The following NSMAF variants were observed in gnomAD, a reference collection of about 807,000 sequenced individuals.
The protein encoded by NSMAF is neutral sphingomyelinase activation associated factor.
In NSMAF, 90 loss-of-function variants were observed where a neutral mutation model predicts 134.9. The observed-to-expected ratio is 0.67, with a 90% CI of 0.56 to 0.79. NSMAF has a LOEUF of 0.79. Among genes scored for constraint, NSMAF ranks in the 30% least tolerant of loss-of-function variants. The pLI is 0.00. For synonymous variants in NSMAF, 358 were observed against 389.6 expected, an observed-to-expected ratio of 0.92 and a Z score of 0.96; for missense variants, 1,010 against 1,119.0, an observed-to-expected ratio of 0.90 and a Z score of 1.39.
chr8:58,605,651 A>T (rs2129141784), intron 12 of NSMAF, among the ~76,000 whole-genome samples: 1 of 152,164 alleles, frequency 6.6e-6, no homozygotes, highest in African/African-American at 2.4e-5. Context: ...TTCTTCTCTT[A>T]TTTCCTATCC....
At chr8:58,658,003 T>G (rs1807759551) in intron 1 of NSMAF, among the ~76,000 whole-genome samples, 2 of 152,208 alleles carry the variant, frequency 1.3e-5, no homozygotes, top group African/African-American at 2.4e-5. Flanking sequence ...CACAAATTAC[T>G]TCATCGAAAT....
Position 58,659,726 on chromosome 8 carries a change from G to A in NSMAF, c.-95C>T. 3.9e-6 allele frequency: 4 copies of A among 1,028,728 alleles called. No individual in the cohort carries two copies. Among genetic ancestry groups the A allele is most frequent in the Non-Finnish European group, 3.8e-6 (3 of 794,340 alleles). The allele number at this position is 1,028,728 out of a possible 1,614,324, so 63.7% of individuals were successfully genotyped here. ...GGAGCCGGGGAGGGCGGGATTGGTG[G>A]CCGGCTGGGGAGCGCGCGGCTGCCG... On this transcript the variant is annotated 5_prime_UTR_variant, in exon 1 of 31. Coordinates refer to ENST00000038176, the MANE Select transcript of NSMAF (RefSeq NM_003580.4).
intron 30 of NSMAF, among the ~76,000 whole-genome samples, chr8:58,584,564 T>TTGGTTTA (rs1219672174): frequency 6.6e-6 from 1 of 152,236 alleles, no homozygotes; most frequent in African/African-American, 2.4e-5. Flanking sequence ...TGTAAGGTTA[T>TTGGTTTA]TGGTTTATTT....
At chr8:58,629,352 C>A (rs753760622) in intron 6 of NSMAF, among the ~76,000 whole-genome samples, 4 of 152,142 alleles carry the variant, frequency 2.6e-5, no homozygotes, top group Non-Finnish European at 4.4e-5. Flanking sequence ...TAAGTTACTA[C>A]ATTCTTCTCC....
chr8:58,633,075 C>T (rs777416994), intron 5 of NSMAF, among the ~76,000 whole-genome samples: 2 of 152,212 alleles, frequency 1.3e-5, no homozygotes, highest in Non-Finnish European at 2.9e-5. Context: ...GTGTTCTCTA[C>T]CCAGCCCCCA....
At chr8:58,595,817 G>C (rs371062183) in intron 21 of NSMAF, 158 bp from the exon 22 acceptor site, 2 of 555,306 alleles carry the variant, frequency 3.6e-6, no homozygotes, top group South Asian at 4.6e-5. Context: ...ATGGTTCCAC[G>C]TTAGTCAAGG....
At position 58,623,709 on chromosome 8, in the gene NSMAF, C is replaced by G; in HGVS notation, c.456G>C (p.Gln152His). 1.2e-6 allele frequency: 2 copies of G among 1,613,444 alleles called. No individual in the cohort carries two copies. Among genetic ancestry groups the G allele is most frequent in the Non-Finnish European group, 1.7e-6 (2 of 1,179,502 alleles). ...KVEDVVETLLQLHRASCLDKL... is the reference protein window; with the variant it reads ...KVEDVVETLLHLHRASCLDKL... ...AATTTTCTACCCAGCAAGTGCTTAC[C>G]TGAAGCAACGTCTCCACAACATCTT... The change falls in exon 7 of 31, where the codon CAG becomes CAC. Residue 152 changes from glutamine (Q) to histidine (H), a missense_variant and splice_region_variant. Coordinates refer to ENST00000038176, the MANE Select transcript of NSMAF (RefSeq NM_003580.4).
rs373886708 is a variant in NSMAF, at chr8:58,635,258, C to T, written c.297-33G>A. ...ACAGATAAAAGTCATTAAATATATA[C>T]AGCTTTTTGGTTGAAGTAAAATTAA... On this transcript the variant is annotated intron_variant, in intron 4 of 30. Transcript: ENST00000038176. The T allele has an allele frequency of 1.6e-5, 25 of 1,608,174 alleles. No individual in the cohort carries two copies. In the African/African-American group the frequency reaches 2.7e-4, roughly 17 times the overall value.
At chr8:58,627,899 T>C (rs1417665154) in intron 6 of NSMAF, among the ~76,000 whole-genome samples, 2 of 152,128 alleles carry the variant, frequency 1.3e-5, no homozygotes, top group African/African-American at 2.4e-5. Flanking sequence ...AAAATCCATA[T>C]GGCACCAAAA....
chr8:58,627,544 T>C (rs1397434354), intron 6 of NSMAF, among the ~76,000 whole-genome samples: 1 of 152,160 alleles, frequency 6.6e-6, no homozygotes, highest in African/African-American at 2.4e-5. Flanking sequence ...CACAAATCAG[T>C]AGCACTGCTA....
chr8:58,589,443 T>TA lies in NSMAF; in HGVS notation c.2211+8dup, dbSNP rs1298901587. 1 of 1,450,806 alleles carries TA rather than the reference T, an allele frequency of 6.9e-7. No individual in the cohort carries two copies. The highest frequency in any genetic ancestry group is 9.1e-7 in the Non-Finnish European group (1 of 1,103,468). 89.9% of individuals were successfully genotyped at this position (1,450,806 alleles called of 1,614,324 possible). ...CAAGTTAAAAAAACTTTTTAAATTA[T>TA]ATATGAACCTTCACTGTAGAGTCCC... is the stretch of plus-strand genomic sequence containing the variant. On this transcript the variant is annotated intron_variant, in intron 26 of 30. Transcript: ENST00000038176.
At chr8:58,655,164 G>C (rs186087964) in intron 1 of NSMAF, among the ~76,000 whole-genome samples, 29 of 152,098 alleles carry the variant, frequency 1.9e-4, no homozygotes, top group Admixed American at 1.7e-3. Context: ...TAGAGAAAAG[G>C]TCTCCCTATG....
rs117413256 is a variant in NSMAF at position 58,595,652 on chromosome 8, C to T, written c.1800G>A (p.Glu600=). Reference sequence around the variant, plus strand: ...TTTCTTCGGTCAGGTCTTCAAAAGACTCTTCACCTGGAGAGACGACATTAA... The same window carrying T: ...TTTCTTCGGTCAGGTCTTCAAAAGATTCTTCACCTGGAGAGACGACATTAA... ...NASMADSPGE[E]SFEDLTEESK... is the part of the protein sequence containing the mutation. Residue 600 remains glutamate (E), a synonymous_variant, in exon 22 of 31, where the codon GAG becomes GAA. Transcript: ENST00000038176. 4,930 of 1,611,564 alleles carry T rather than the reference C, an allele frequency of 3.1e-3. 13 individuals are homozygous for T. The highest frequency in any genetic ancestry group is 3.7e-3 in the Non-Finnish European group (4,341 of 1,178,164).
intron 27 of NSMAF, 32 bp from the exon 28 acceptor site, chr8:58,586,640 A>G (rs758147904): frequency 3.2e-6 from 5 of 1,555,064 alleles, no homozygotes; most frequent in South Asian, 1.2e-5. Context: ...TACATATTCC[A>G]TTAGATTTAT....
intron 9 of NSMAF, among the ~76,000 whole-genome samples, chr8:58,619,739 T>G (rs985901976): frequency 1.3e-5 from 2 of 152,112 alleles, no homozygotes; most frequent in Non-Finnish European, 2.9e-5. Flanking sequence ...AGGAAAGACC[T>G]TTATGAAGAA....
chr8:58,610,774 A>G (rs1563531475), intron 9 of NSMAF, among the ~76,000 whole-genome samples: 1 of 152,196 alleles, frequency 6.6e-6, no homozygotes, highest in Non-Finnish European at 1.5e-5. Context: ...CTGAGGTGCA[A>G]AACAAGGGAA....
chr8:58,631,044 CAG>C (rs1807046961), intron 6 of NSMAF, among the ~76,000 whole-genome samples: 1 of 152,098 alleles, frequency 6.6e-6, no homozygotes, highest in African/African-American at 2.4e-5. Context: ...CCCAGGGAAC[CAG>C]ACATTGTATC....
chr8:58,626,093 T>A (rs867678194), intron 6 of NSMAF, among the ~76,000 whole-genome samples: 41 of 117,094 alleles, frequency 3.5e-4, no homozygotes, highest in Non-Finnish European at 6.2e-4. Context: ...ATATAATTCT[T>A]TTTTTTTTTT....
At chr8:58,621,281 A>G (rs1235174991) in intron 9 of NSMAF, among the ~76,000 whole-genome samples, 1 of 152,120 alleles carries the variant, frequency 6.6e-6, no homozygotes, top group Non-Finnish European at 1.5e-5. Flanking sequence ...AAAGGGCATG[A>G]TCTCTTTTTT....
Sources: allele counts gnomAD v4.1 joint callset (sites outside exome capture counted in the v4.1 genomes callset), GRCh38; gene constraint gnomAD v4.1.1; transcripts MANE v1.5; gene names NCBI Gene and HGNC (gene_info 2026-07-23, HGNC 2026-07-21).